ROR2: variants seen among roughly 807,000 people sequenced by gnomAD.
ROR2 encodes tyrosine-protein kinase transmembrane receptor ROR2.
ROR2 carries 33 observed loss-of-function variants against 74.9 expected under a neutral mutation model. That is an observed-to-expected ratio of 0.44 (90% CI 0.33 to 0.59). The LOEUF is 0.59. Ranked by LOEUF, ROR2 falls within the 20% of genes least tolerant of loss-of-function variation. The pLI, the probability that ROR2 is intolerant of heterozygous loss-of-function variation, is 0.02. For missense variants in ROR2, 1,216 were observed against 1,313.8 expected, an observed-to-expected ratio of 0.93 and a Z score of 1.15; for synonymous variants, 586 against 558.7, an observed-to-expected ratio of 1.05 and a Z score of -0.69.
intron 1 of ROR2, among the ~76,000 whole-genome samples, chr9:91,870,131 G>A (rs146384331): frequency 1.3e-5 from 2 of 150,282 alleles, no homozygotes; most frequent in South Asian, 4.1e-4. Context: ...TGCCTGCTTT[G>A]ACACAGGAGC....
At chr9:91,771,978 T>G (rs1355266294) in intron 2 of ROR2, among the ~76,000 whole-genome samples, 1 of 152,238 alleles carries the variant, frequency 6.6e-6, no homozygotes, top group Non-Finnish European at 1.5e-5. Flanking sequence ...GCTATGATTA[T>G]ACATGTGATT....
chr9:91,839,448 A>ATG (rs899766836), intron 1 of ROR2, among the ~76,000 whole-genome samples: 1 of 146,484 alleles, frequency 6.8e-6, no homozygotes, highest in Non-Finnish European at 1.5e-5. Context: ...TGGGGTGTCT[A>ATG]TGTGTGTGTG....
intron 4 of ROR2, among the ~76,000 whole-genome samples, chr9:91,737,723 T>C (rs1717542322): frequency 6.6e-6 from 1 of 152,158 alleles, no homozygotes; most frequent in African/African-American, 2.4e-5. Context: ...TGTCAAAACT[T>C]GGAAGCAATA....
chr9:91,790,057 T>C (rs1189466219), intron 1 of ROR2, among the ~76,000 whole-genome samples: 1 of 152,224 alleles, frequency 6.6e-6, no homozygotes, highest in Non-Finnish European at 1.5e-5. Context: ...ATGTGCTCCA[T>C]AACTAAGAAC....
chr9:91,865,260 C>A (rs981161413), intron 1 of ROR2, among the ~76,000 whole-genome samples: 2 of 152,178 alleles, frequency 1.3e-5, no homozygotes, highest in Non-Finnish European at 2.9e-5. Context: ...ACACTTCCAG[C>A]CAGCGCTCTT....
At position 91,803,928 on chromosome 9, in the gene ROR2, G is replaced by C. The variant is rs145555374; in HGVS notation, c.98-28110C>G. Among the ~76,000 whole-genome samples the C allele has an allele frequency of 2.7e-3, 411 of 152,320 alleles. 4 individuals are homozygous for C. The highest frequency in any genetic ancestry group is 9.5e-3 in the African/African-American group (394 of 41,570). The stretch of plus-strand genomic sequence containing the variant: ...CTCCATGGCATAAAACACCTTATTA[G>C]GGAGTTGACTTTGAGGACACACCAC... On this transcript the variant is annotated intron_variant, in intron 1 of 8. Coordinates refer to ENST00000375708, the MANE Select transcript of ROR2 (RefSeq NM_004560.4).
At chr9:91,823,391 A>G (rs1264633181) in intron 1 of ROR2, among the ~76,000 whole-genome samples, 1 of 150,174 alleles carries the variant, frequency 6.7e-6, no homozygotes, top group Non-Finnish European at 1.5e-5. Flanking sequence ...CTGGAGTGAC[A>G]TGATCTCGGC....
chr9:91,883,918 G>T (rs890504653), intron 1 of ROR2, among the ~76,000 whole-genome samples: 1 of 152,036 alleles, frequency 6.6e-6, no homozygotes, highest in African/African-American at 2.4e-5. Context: ...AGCATGAGTT[G>T]CATCTGGAGG....
intron 8 of ROR2, 123 bp from the exon 9 acceptor site, chr9:91,725,230 C>T: frequency 6.4e-7 from 1 of 1,564,088 alleles, no homozygotes. Flanking sequence ...TGCAGAAGAC[C>T]CGCTGGTTTT....
intron 7 of ROR2, among the ~76,000 whole-genome samples, chr9:91,730,416 T>C (rs1837196764): frequency 6.6e-6 from 1 of 152,212 alleles, no homozygotes; most frequent in Non-Finnish European, 1.5e-5. Context: ...TAAAATGTCT[T>C]GTAATGGTCA....
intron 1 of ROR2, among the ~76,000 whole-genome samples, chr9:91,802,467 C>T (rs960335007): frequency 1.3e-4 from 20 of 152,142 alleles, no homozygotes; most frequent in Admixed American, 3.9e-4. Context: ...GTCTCAACTG[C>T]AGGGAAAAGG....
At chr9:91,836,717 G>A (rs11792371) in intron 1 of ROR2, among the ~76,000 whole-genome samples, 5,645 of 152,292 alleles carry the variant, frequency 0.037, 155 homozygotes, top group East Asian at 0.096. Flanking sequence ...GAGGAGCTGC[G>A]GCTCACAGGA....
intron 1 of ROR2, among the ~76,000 whole-genome samples, chr9:91,859,879 A>G (rs1262293946): frequency 6.6e-6 from 1 of 152,208 alleles, no homozygotes; most frequent in African/African-American, 2.4e-5. Context: ...AAGTACATGC[A>G]GCTCCACCTG....
chr9:91,765,017 A>G (rs1299333490), intron 2 of ROR2, among the ~76,000 whole-genome samples: 1 of 152,074 alleles, frequency 6.6e-6, no homozygotes, highest in Non-Finnish European at 1.5e-5. Flanking sequence ...TTAATAGTAA[A>G]TTTATTTTTA....
At chr9:91,746,330 G>T (rs1329540499) in intron 4 of ROR2, among the ~76,000 whole-genome samples, 1 of 152,160 alleles carries the variant, frequency 6.6e-6, no homozygotes, top group Non-Finnish European at 1.5e-5. Context: ...GCCCGCCCTG[G>T]CCTCCCAAAG....
At chr9:91,870,179 C>A (rs1171190238) in intron 1 of ROR2, among the ~76,000 whole-genome samples, 2 of 151,758 alleles carry the variant, frequency 1.3e-5, no homozygotes, top group Admixed American at 6.6e-5. Flanking sequence ...TATTTACTAT[C>A]TGATTATTTT....
intron 1 of ROR2, among the ~76,000 whole-genome samples, chr9:91,923,068 C>G (rs1831313849): frequency 6.6e-6 from 1 of 152,134 alleles, no homozygotes; most frequent in African/African-American, 2.4e-5. Context: ...ATGTCTGTTA[C>G]CTAAGTAGCT....
intron 1 of ROR2, among the ~76,000 whole-genome samples, chr9:91,822,696 G>A (rs1026040505): frequency 2.6e-5 from 4 of 152,136 alleles, no homozygotes; most frequent in African/African-American, 7.2e-5. Context: ...TCCAAGTATC[G>A]TCCTACAGAT....
At position 91,724,366 on chromosome 9, in the gene ROR2, C is replaced by T. The variant is rs1836926600; in HGVS notation, c.2128G>A (p.Val710Met). ...GGACAGTCATCGGGGCAAGGCAGCA[C>T]CTGCCGGTTCCGGATCATCTCCACC... ...DVVEMIRNRQ[V>M]LPCPDDCPAW... The change falls in exon 9 of 9, where the codon GTG (valine) becomes ATG (methionine). Residue 710 changes from valine to methionine, a missense_variant. Transcript: ENST00000375708. The T allele has an allele frequency of 6.2e-7, 1 of 1,613,846 alleles. No individual in the cohort carries two copies. The highest frequency in any genetic ancestry group is 1.1e-5 in the South Asian group (1 of 91,094).
Sources: allele counts gnomAD v4.1 joint callset (sites outside exome capture counted in the v4.1 genomes callset), GRCh38; gene constraint gnomAD v4.1.1; transcripts MANE v1.5; gene names NCBI Gene and HGNC (gene_info 2026-07-23, HGNC 2026-07-21).